Variants in IL26 observed in about 807,000 individuals in gnomAD.
IL26 encodes interleukin 26.
A neutral mutation model predicts 21.7 loss-of-function variants in IL26; 23 were observed. The observed-to-expected ratio is 1.06, with a 90% confidence interval of 0.76 to 1.50. The LOEUF is 1.50. Ranked by LOEUF, IL26 falls within the 40% of genes most tolerant of loss-of-function variation. The pLI is 0.00. For synonymous variants in IL26, 63 were observed against 67.8 expected, an observed-to-expected ratio of 0.93 and a Z score of 0.34; for missense variants, 204 against 196.0, an observed-to-expected ratio of 1.04 and a Z score of -0.24.
At chr12:68,222,865 A>T (rs761183572) in intron 3 of IL26, among the ~76,000 whole-genome samples, 1 of 152,180 alleles carries the variant, frequency 6.6e-6, no homozygotes, top group Non-Finnish European at 1.5e-5. Context: ...TTATACATTG[A>T]TTACATTTAG....
At chr12:68,219,313 T>G (rs1222075611) in intron 3 of IL26, among the ~76,000 whole-genome samples, 1 of 151,870 alleles carries the variant, frequency 6.6e-6, no homozygotes, top group Non-Finnish European at 1.5e-5. Context: ...TATAAAGGGA[T>G]TCAAGTCATA....
intron 3 of IL26, among the ~76,000 whole-genome samples, chr12:68,206,555 G>A (rs544754806): frequency 2.0e-5 from 3 of 152,292 alleles, no homozygotes; most frequent in Non-Finnish European, 2.9e-5. Flanking sequence ...GGGCCTTCAT[G>A]TTGTACAATG....
intron 3 of IL26, among the ~76,000 whole-genome samples, chr12:68,215,169 AACAC>A (rs1263412745): frequency 6.6e-6 from 1 of 152,172 alleles, no homozygotes; most frequent in Non-Finnish European, 1.5e-5. Flanking sequence ...TCCATCCCCC[AACAC>A]ACACACATTT....
chr12:68,204,152 T>TTTTTTTTTTTTTTTTTTTTTTTTG (rs1868466540), intron 3 of IL26, among the ~76,000 whole-genome samples: 1 of 148,582 alleles, frequency 6.7e-6, no homozygotes, highest in Non-Finnish European at 1.5e-5. Flanking sequence ...TTTTTTTTTT[T>TTTTTTTTTTTTTTTTTTTTTTTTG]TTTTTTTTTG....
chr12:68,216,121 T>A (rs1868871944), intron 3 of IL26, among the ~76,000 whole-genome samples: 1 of 151,576 alleles, frequency 6.6e-6, no homozygotes, highest in African/African-American at 2.4e-5. Flanking sequence ...TGAAACCCCA[T>A]CTCTACTAAA....
chr12:68,214,514 C>T (rs1415778873), intron 3 of IL26, among the ~76,000 whole-genome samples: 1 of 152,154 alleles, frequency 6.6e-6, no homozygotes, highest in Non-Finnish European at 1.5e-5. Flanking sequence ...CTTGGGTGCT[C>T]TTATGTTGCA....
At position 68,225,089 on chromosome 12, in the gene IL26, A is replaced by G. The variant is rs140471808; in HGVS notation, c.363+60T>C. The G allele has an allele frequency of 1.6e-4, 250 of 1,518,012 alleles. No individual in the cohort carries two copies. The African/African-American group carries it at 3.0e-3, about 18-fold the overall frequency. 94.0% of individuals were successfully genotyped at this position (1,518,012 alleles called of 1,614,324 possible). ...CCTTTGGTGTGAGACAGATTCTTACATGCTGACTTCTAAACAGGTTTCTAG... is the reference window on the plus strand; with the variant it reads ...CCTTTGGTGTGAGACAGATTCTTACGTGCTGACTTCTAAACAGGTTTCTAG... On this transcript the variant is annotated intron_variant, in intron 3 of 4. Transcript: ENST00000229134.
chr12:68,219,786 C>A (rs375703841), intron 3 of IL26, among the ~76,000 whole-genome samples: 1 of 151,750 alleles, frequency 6.6e-6, no homozygotes, highest in African/African-American at 2.4e-5. Context: ...AAAACTGGTT[C>A]TTTGAGAAAT....
chr12:68,212,651 T>C (rs2120446984), intron 3 of IL26, among the ~76,000 whole-genome samples: 1 of 152,246 alleles, frequency 6.6e-6, no homozygotes, highest in Non-Finnish European at 1.5e-5. Flanking sequence ...CCTAGTTATC[T>C]TATATTTTTG....
chr12:68,207,906 T>G (rs550017944), intron 3 of IL26, among the ~76,000 whole-genome samples: 111 of 152,304 alleles, frequency 7.3e-4, no homozygotes, highest in Middle Eastern at 3.4e-3. Context: ...ATGACATATT[T>G]TTCTTAATTT....
At chr12:68,223,988 G>A (rs1036178039) in intron 3 of IL26, among the ~76,000 whole-genome samples, 1 of 148,444 alleles carries the variant, frequency 6.7e-6, no homozygotes, top group South Asian at 2.1e-4. Flanking sequence ...GGGTTACGGA[G>A]CACTTTAGTT....
At chr12:68,212,653 A>G (rs561007767) in intron 3 of IL26, among the ~76,000 whole-genome samples, 1 of 152,080 alleles carries the variant, frequency 6.6e-6, no homozygotes, top group South Asian at 2.1e-4. Flanking sequence ...TAGTTATCTT[A>G]TATTTTTGCA....
Position 68,225,603 on chromosome 12 carries a change from G to A in IL26, c.154C>T (p.Leu52Phe), listed in dbSNP as rs773111449. 1 of 1,613,844 alleles carries A rather than the reference G, an allele frequency of 6.2e-7. No homozygotes were observed. Among genetic ancestry groups the A allele is most frequent in the Non-Finnish European group, 8.5e-7 (1 of 1,179,846 alleles). ...ATACTTACTGGAATCGTTGCTTTGA[G>A]CCATGCTGCTTTGATATAGAGAGCG... ...VDALYIKAAW[L>F]KATIPEDRIK... Residue 52 changes from leucine (L) to phenylalanine (F), a missense_variant, in exon 1 of 5, where the codon CTC becomes TTC. Physicochemically the swap from Leu to Phe is conservative, Grantham distance 22. Transcript: ENST00000229134.
At chr12:68,202,557 A>T (rs1381777851) in intron 3 of IL26, among the ~76,000 whole-genome samples, 1 of 152,224 alleles carries the variant, frequency 6.6e-6, no homozygotes, top group East Asian at 1.9e-4. Context: ...ACCAAGGCAC[A>T]TCTTACCTGG....
intron 3 of IL26, among the ~76,000 whole-genome samples, chr12:68,210,382 A>G (rs1412460084): frequency 1.8e-5 from 2 of 108,416 alleles, no homozygotes; most frequent in Non-Finnish European, 3.9e-5. Context: ...AAAAAAAAAA[A>G]AACAGCACAA....
chr12:68,218,706 T>C (rs1868962369), intron 3 of IL26, among the ~76,000 whole-genome samples: 1 of 152,000 alleles, frequency 6.6e-6, no homozygotes, highest in Non-Finnish European at 1.5e-5. Flanking sequence ...GAAAACTATA[T>C]ACTCACAAAT....
At chr12:68,216,384 A>G (rs1379293995) in intron 3 of IL26, among the ~76,000 whole-genome samples, 1 of 152,208 alleles carries the variant, frequency 6.6e-6, no homozygotes, top group African/African-American at 2.4e-5. Flanking sequence ...TACTTAAGAG[A>G]ACCACTCCTT....
At chr12:68,220,738 G>A (rs1869021212) in intron 3 of IL26, among the ~76,000 whole-genome samples, 1 of 152,242 alleles carries the variant, frequency 6.6e-6, no homozygotes, top group African/African-American at 2.4e-5. Context: ...CTGGGTTCAA[G>A]AGATTCTCCT....
At chr12:68,207,997 A>C (rs1436249215) in intron 3 of IL26, among the ~76,000 whole-genome samples, 1 of 152,192 alleles carries the variant, frequency 6.6e-6, no homozygotes, top group African/African-American at 2.4e-5. Context: ...TAGTGTATTT[A>C]TTGAAAAACA....
Sources: gnomAD v4.1 joint callset for allele counts (sites outside exome capture counted in the v4.1 genomes callset) on GRCh38, gnomAD v4.1.1 for gene constraint, MANE v1.5 for transcripts, NCBI Gene and HGNC (gene_info 2026-07-23, HGNC 2026-07-21) for gene names.